PLA2G4A: variants seen among roughly 807,000 people sequenced by gnomAD.
PLA2G4A encodes phospholipase A2 group IVA, also known as cytosolic phospholipase A2.
A neutral mutation model predicts 81.9 loss-of-function variants in PLA2G4A; 40 were observed. The ratio of observed to expected loss-of-function variants is 0.49; its 90% CI spans 0.38 to 0.64. The LOEUF (loss-of-function observed/expected upper bound fraction) is 0.64. Ranked by LOEUF, PLA2G4A falls within the 30% of genes least tolerant of loss-of-function variation. PLA2G4A has a pLI of 0.00. For missense variants in PLA2G4A, 715 were observed against 905.1 expected (o/e 0.79, Z 2.69); for synonymous variants, 302 against 296.9 (o/e 1.02, Z -0.18).
chr1:186,902,450 A>T (rs1654578462), intron 5 of PLA2G4A, among the ~76,000 whole-genome samples: 1 of 152,122 alleles, frequency 6.6e-6, no homozygotes, highest in South Asian at 2.1e-4. Flanking sequence ...TGCTGCCCCT[A>T]GTCCGGCTCG....
rs1271033577 is a variant in PLA2G4A, at chr1:186,942,045, C to T, written c.1033+1951C>T. On this transcript the variant is annotated intron_variant, in intron 10 of 17. Transcript: ENST00000367466. The stretch of plus-strand genomic sequence containing the variant: ...TATAAGAAAAGTCAGAGGTCTAGAT[C>T]TTAAAGATTAATAGGATTTGAATAT... 2.6e-5 allele frequency among the ~76,000 whole-genome samples: 4 copies of T among 152,076 alleles called. No homozygotes were observed. The East Asian group carries it at 7.7e-4, about 29-fold the overall frequency.
rs899467801 is a variant in PLA2G4A at position 186,879,799 on chromosome 1, AT to A, written c.115+9290del. Among the ~76,000 whole-genome samples the A allele has an allele frequency of 2.6e-3, 381 of 149,372 alleles. 2 individuals are homozygous for A. Among genetic ancestry groups the A allele is most frequent in the African/African-American group, 9.0e-3 (369 of 40,966 alleles). ...TGAGATATGTACTGTCTTTATTTTA[AT>A]TTTTTTATTTTAATTTTTGTTTATT... On this transcript the variant is annotated intron_variant, in intron 3 of 17. Coordinates refer to ENST00000367466, the MANE Select transcript of PLA2G4A (RefSeq NM_024420.3).
At chr1:186,839,900 A>G (rs1237712685) in intron 1 of PLA2G4A, among the ~76,000 whole-genome samples, 1 of 151,634 alleles carries the variant, frequency 6.6e-6, no homozygotes, top group Non-Finnish European at 1.5e-5. Flanking sequence ...TCCAACGCAC[A>G]CATAAATATT....
intron 3 of PLA2G4A, among the ~76,000 whole-genome samples, chr1:186,873,361 A>G (rs1354142999): frequency 2.6e-5 from 4 of 152,112 alleles, no homozygotes; most frequent in Non-Finnish European, 5.9e-5. Context: ...ATAGAACTAT[A>G]AGAACTATTT....
chr1:186,962,375 T>A (rs1656979446), intron 14 of PLA2G4A, among the ~76,000 whole-genome samples: 2 of 152,046 alleles, frequency 1.3e-5, no homozygotes, highest in Non-Finnish European at 1.5e-5. Context: ...ATACTCCCAT[T>A]ATTGTGTTTT....
intron 5 of PLA2G4A, among the ~76,000 whole-genome samples, chr1:186,906,521 A>G (rs945718503): frequency 6.6e-6 from 1 of 152,168 alleles, no homozygotes; most frequent in Admixed American, 6.5e-5. Flanking sequence ...ACTTGTCTCA[A>G]TTATACATGT....
intron 1 of PLA2G4A, among the ~76,000 whole-genome samples, chr1:186,841,475 A>G (rs1651980622): frequency 6.6e-6 from 1 of 152,200 alleles, no homozygotes; most frequent in South Asian, 2.1e-4. Context: ...GTATAAAGAA[A>G]GAGTACCTGG....
chr1:186,960,998 A>G (rs1656922813), intron 14 of PLA2G4A, among the ~76,000 whole-genome samples: 1 of 152,232 alleles, frequency 6.6e-6, no homozygotes, highest in South Asian at 2.1e-4. Context: ...CAACACAGTT[A>G]GGAAACACTA....
At chr1:186,963,159 A>G (rs973187923) in intron 14 of PLA2G4A, among the ~76,000 whole-genome samples, 3 of 152,238 alleles carry the variant, frequency 2.0e-5, no homozygotes, top group Non-Finnish European at 4.4e-5. Flanking sequence ...ATTAGGATAA[A>G]TGTAAGTAAC....
intron 2 of PLA2G4A, among the ~76,000 whole-genome samples, chr1:186,864,221 T>C (rs1026596783): frequency 1.1e-4 from 16 of 152,224 alleles, no homozygotes; most frequent in Non-Finnish European, 1.8e-4. Flanking sequence ...TTAGGTTGAT[T>C]CCACATCTTG....
chr1:186,841,398 G>A (rs936172244), intron 1 of PLA2G4A, among the ~76,000 whole-genome samples: 1 of 152,032 alleles, frequency 6.6e-6, no homozygotes, highest in Non-Finnish European at 1.5e-5. Flanking sequence ...TTTTAATTTT[G>A]GCTATATTTC....
At chr1:186,866,392 AG>A (rs1018392553) in intron 2 of PLA2G4A, among the ~76,000 whole-genome samples, 55 of 152,294 alleles carry the variant, frequency 3.6e-4, no homozygotes, top group South Asian at 2.7e-3. Context: ...TTCTAGTAAA[AG>A]TTCACCATTT....
intron 7 of PLA2G4A, among the ~76,000 whole-genome samples, chr1:186,931,769 CAA>C (rs1655755206): frequency 6.6e-6 from 1 of 152,200 alleles, no homozygotes; most frequent in African/African-American, 2.4e-5. Context: ...ACTGGAAACA[CAA>C]TGCATTCATG....
At chr1:186,839,063 T>A (rs1651886228) in intron 1 of PLA2G4A, among the ~76,000 whole-genome samples, 1 of 114,018 alleles carries the variant, frequency 8.8e-6, no homozygotes. Flanking sequence ...TTCCTCAAAG[T>A]TAAAAAAACA....
chr1:186,939,864 A>T, intron 9 of PLA2G4A, 116 bp from the exon 10 acceptor site: 1 of 656,578 alleles, frequency 1.5e-6, no homozygotes, highest in Non-Finnish European at 2.7e-6. Context: ...AGAAGTAATA[A>T]GACTTATTTT....
chr1:186,912,195 G>A (rs1470838128), intron 7 of PLA2G4A, among the ~76,000 whole-genome samples: 2 of 152,060 alleles, frequency 1.3e-5, no homozygotes, highest in African/African-American at 2.4e-5. Flanking sequence ...AGTGATCTGA[G>A]TATCCTTTAG....
At chr1:186,944,549 C>T (rs1295090105) in intron 10 of PLA2G4A, among the ~76,000 whole-genome samples, 1 of 152,122 alleles carries the variant, frequency 6.6e-6, no homozygotes, top group Non-Finnish European at 1.5e-5. Flanking sequence ...CCACGTAAAT[C>T]GTTGTAAATC....
chr1:186,906,045 C>T (rs975208785), intron 5 of PLA2G4A, among the ~76,000 whole-genome samples: 2 of 152,110 alleles, frequency 1.3e-5, no homozygotes, highest in Non-Finnish European at 2.9e-5. Context: ...AGAGGTATAT[C>T]CTAGTTCTGT....
chr1:186,949,573 G>T (rs1241697165), intron 12 of PLA2G4A, among the ~76,000 whole-genome samples: 2 of 152,022 alleles, frequency 1.3e-5, no homozygotes, highest in African/African-American at 4.8e-5. Context: ...GCCATGAAAT[G>T]AAACTAATAA....
Sources: gnomAD v4.1 joint callset for allele counts (sites outside exome capture counted in the v4.1 genomes callset) on GRCh38, gnomAD v4.1.1 for gene constraint, MANE v1.5 for transcripts, NCBI Gene and HGNC (gene_info 2026-07-23, HGNC 2026-07-21) for gene names.